Variants in ZNF695 observed in about 807,000 individuals in gnomAD.
The protein encoded by ZNF695 is zinc finger protein SBZF3.
ZNF695 carries 11 observed loss-of-function variants against 11.2 expected under a neutral mutation model. That is an observed-to-expected ratio of 0.98 (90% CI 0.62 to 1.62). The LOEUF is 1.62. Among genes scored for constraint, ZNF695 ranks in the 40% most tolerant of loss-of-function variants. The pLI is 0.00. For synonymous variants in ZNF695, 190 were observed against 201.4 expected, an observed-to-expected ratio of 0.94 and a Z score of 0.48; for missense variants, 559 against 590.5, an observed-to-expected ratio of 0.95 and a Z score of 0.55.
chr1:246,966,883 AG>A, intron 5 of ZNF695: 1 of 456,556 alleles, frequency 2.2e-6, no homozygotes, highest in South Asian at 1.5e-5. Context: ...GAGTTATTGG[AG>A]GGTTTGAACA....
chr1:246,982,751 T>C, downstream of ZNF695, among the ~76,000 whole-genome samples: 1 of 152,050 alleles, frequency 6.6e-6, no homozygotes, highest in East Asian at 1.9e-4. Context: ...GGCGGGCAGA[T>C]TACGAAGTCA....
In ZNF695 at chr1:246,987,873, A is replaced by C; in HGVS notation, c.642T>G (p.Cys214Trp). The C allele has an allele frequency of 6.2e-7, 1 of 1,608,494 alleles. No individual in the cohort carries two copies. The highest frequency in any genetic ancestry group is 8.5e-7 in the Non-Finnish European group (1 of 1,178,548). Residue 214 changes from cysteine (C) to tryptophan (W), a missense_variant, in exon 4 of 4, where the codon TGT becomes TGG. Physicochemically the swap from Cys to Trp is radical, Grantham distance 215. Transcript: ENST00000339986. ...RIHIGENPYQ[C>W]KKCGKAFNEC... ...CATTAAAGGCTTTGCCACATTTTTTACATTGGTACGGGTTCTCTCCAATAT... is the reference window on the plus strand; with the variant it reads ...CATTAAAGGCTTTGCCACATTTTTTCCATTGGTACGGGTTCTCTCCAATAT...
intron 3 of ZNF695, among the ~76,000 whole-genome samples, chr1:246,997,644 T>A (rs1290620588): frequency 6.6e-6 from 1 of 152,218 alleles, no homozygotes; most frequent in African/African-American, 2.4e-5. Flanking sequence ...TAGTCATAAT[T>A]GCCAAGATAC....
rs201551832 is a variant in ZNF695 at position 247,007,920 on chromosome 1, T to C, written c.-12A>G. ...CGCACACTCACCATTTCCCAGCTTT[T>C]GGGGGTCCCAGCGTCCTCCCTATAA... On this transcript the variant is annotated 5_prime_UTR_variant, in exon 1 of 4. Coordinates refer to ENST00000339986, the MANE Select transcript of ZNF695 (RefSeq NM_020394.5). 287 of 1,530,140 alleles carry C rather than the reference T, an allele frequency of 1.9e-4. No individual in the cohort carries two copies. The highest frequency in any genetic ancestry group is 8.8e-6 in the Non-Finnish European group (10 of 1,131,596). 94.8% of individuals were successfully genotyped at this position (1,530,140 alleles called of 1,614,324 possible).
Position 246,986,411 on chromosome 1 carries a change from T to G in ZNF695, c.*556A>C, listed in dbSNP as rs2103022150. The G allele has an allele frequency of 1.0e-6, 1 of 985,538 alleles. No homozygotes were observed. The highest frequency in any genetic ancestry group is 1.7e-5 in the African/African-American group (1 of 57,368). The allele number at this position is 985,538 out of a possible 1,614,324, so 61.0% of individuals were successfully genotyped here. ...ATGTAATTATAACTTCCCCAAAAGG[T>G]GAATCTCCTACTTACTTTAACTTAA... On this transcript the variant is annotated 3_prime_UTR_variant, in exon 4 of 4. Transcript: ENST00000339986.
chr1:246,977,158 T>G (rs1367218684), intron 4 of ZNF695, among the ~76,000 whole-genome samples: 2 of 152,220 alleles, frequency 1.3e-5, no homozygotes, highest in African/African-American at 4.8e-5. Context: ...AAAACTTTCA[T>G]ATGTGCCAAA....
At position 246,985,408 on chromosome 1, in the gene ZNF695, C is replaced by T. The variant is rs1369944617; in HGVS notation, c.*1559G>A. 37 of 985,132 alleles carry T rather than the reference C, an allele frequency of 3.8e-5. No individual in the cohort carries two copies. Among genetic ancestry groups the T allele is most frequent in the East Asian group, 1.1e-4 (1 of 8,820 alleles). 61.0% of individuals were successfully genotyped at this position (985,132 alleles called of 1,614,324 possible). A position where few individuals can be genotyped will look rare whatever the true frequency, so the allele number is the denominator to read the frequency against. Reference sequence around the variant, plus strand: ...AAGAGCAAACAGAATGAAGGTGTAACGTGTGGGAACAATATTTTTCAAATT... The same window carrying T: ...AAGAGCAAACAGAATGAAGGTGTAATGTGTGGGAACAATATTTTTCAAATT... On this transcript the variant is annotated 3_prime_UTR_variant, in exon 4 of 4. Coordinates refer to ENST00000339986, the MANE Select transcript of ZNF695 (RefSeq NM_020394.5).
chr1:246,998,312 G>A (rs955762361), intron 3 of ZNF695, among the ~76,000 whole-genome samples: 1 of 152,084 alleles, frequency 6.6e-6, no homozygotes, highest in South Asian at 2.1e-4. Flanking sequence ...TATATAATCA[G>A]CAATGTTCTA....
chr1:246,987,741 A>C lies in ZNF695; in HGVS notation c.774T>G (p.Val258=). The change falls in exon 4 of 4, where the codon GTT becomes GTG. Residue 258 remains valine (V), a synonymous_variant. Transcript: ENST00000339986. ...TTTTCTTTTCAGTATGATTTTTCTCAACAACAGCAAGACTTGAGCAAGACT... is the reference window on the plus strand; with the variant it reads ...TTTTCTTTTCAGTATGATTTTTCTCCACAACAGCAAGACTTGAGCAAGACT... ...IFKSCSSLAV[V]EKNHTEKKTY... The C allele has an allele frequency of 6.3e-7, 1 of 1,589,562 alleles. No homozygotes were observed.
chr1:246,985,252 A>T (rs1668816973), downstream of ZNF695: 1 of 976,528 alleles, frequency 1.0e-6, no homozygotes, highest in Non-Finnish European at 1.2e-6. Flanking sequence ...AGGCCAGAAA[A>T]GCCACATGTT....
At chr1:246,984,049 G>T (rs1436159274), downstream of ZNF695, among the ~76,000 whole-genome samples, 1 of 150,572 alleles carries the variant, frequency 6.6e-6, no homozygotes, top group African/African-American at 2.4e-5. Context: ...CTACTCAGGG[G>T]GCTGAGGTGG....
intron 4 of ZNF695, among the ~76,000 whole-genome samples, chr1:246,973,250 T>C (rs1668474590): frequency 6.6e-6 from 1 of 152,086 alleles, no homozygotes; most frequent in Admixed American, 6.5e-5. Context: ...GGTTTCTCCA[T>C]GTCAGTCAGG....
At position 246,975,561 on chromosome 1, in the gene ZNF695, C is replaced by T. The variant is rs530383301; in HGVS notation, c.391-7769G>A. 3.3e-5 allele frequency among the ~76,000 whole-genome samples: 5 copies of T among 152,266 alleles called. No individual in the cohort carries two copies. The South Asian group carries it at 8.3e-4, about 25-fold the overall frequency. ...GGGCTGTGGGAGCAATAATACAGTGCTTCGAACTTAAGTAAAATGAAACAA... is the reference window on the plus strand; with the variant it reads ...GGGCTGTGGGAGCAATAATACAGTGTTTCGAACTTAAGTAAAATGAAACAA... On this transcript the variant is annotated intron_variant, in intron 4 of 5. Coordinates refer to the ZNF695 transcript ENST00000487338.
At chr1:246,959,982 T>C (rs777754723) in intron 5 of ZNF695, among the ~76,000 whole-genome samples, 9 of 152,240 alleles carry the variant, frequency 5.9e-5, no homozygotes, top group Non-Finnish European at 1.2e-4. Context: ...TAAGCTGCTA[T>C]CTTCATGCAA....
intron 3 of ZNF695, among the ~76,000 whole-genome samples, chr1:246,996,333 G>A (rs898031942): frequency 3.3e-5 from 5 of 152,160 alleles, no homozygotes; most frequent in Non-Finnish European, 5.9e-5. Flanking sequence ...CAGCCTTGGC[G>A]ACAGAGTGAG....
intron 5 of ZNF695, among the ~76,000 whole-genome samples, chr1:246,950,357 T>C (rs978909841): frequency 2.6e-5 from 4 of 152,066 alleles, no homozygotes; most frequent in Non-Finnish European, 5.9e-5. Context: ...CCTTTAAAAA[T>C]AATCCACCCA....
chr1:246,976,540 A>G (rs889297474), intron 4 of ZNF695, among the ~76,000 whole-genome samples: 32 of 152,012 alleles, frequency 2.1e-4, no homozygotes, highest in African/African-American at 2.9e-4. Context: ...CACACCTGTA[A>G]TCCCAGCACT....
chr1:246,950,924 A>G (rs188336520), intron 5 of ZNF695, among the ~76,000 whole-genome samples: 1 of 152,292 alleles, frequency 6.6e-6, no homozygotes, highest in East Asian at 1.9e-4. Flanking sequence ...AAATTGAAAA[A>G]TATCAAACAG....
intron 3 of ZNF695, among the ~76,000 whole-genome samples, chr1:246,997,036 A>G (rs916115171): frequency 9.9e-5 from 15 of 152,192 alleles, no homozygotes; most frequent in Non-Finnish European, 2.9e-5. Context: ...TGAAGTGTAC[A>G]GAACTGAATA....
Sources: allele counts gnomAD v4.1 joint callset (sites outside exome capture counted in the v4.1 genomes callset), GRCh38; gene constraint gnomAD v4.1.1; transcripts MANE v1.5; gene names NCBI Gene and HGNC (gene_info 2026-07-23, HGNC 2026-07-21).